Variants in RHEX observed in about 807,000 individuals in gnomAD.
The protein encoded by RHEX is regulator of hemoglobinization and erythroid cell expansion.
Under a neutral mutation model 20.1 loss-of-function variants are expected in RHEX, and 18 were observed. The observed-to-expected ratio is 0.90, with a 90% CI of 0.62 to 1.33. The LOEUF (loss-of-function observed/expected upper bound fraction) is 1.33. RHEX is among the 40% of genes most tolerant of loss of function. The pLI, the probability that RHEX is intolerant of heterozygous loss-of-function variation, is 0.00. For missense variants in RHEX, 192 were observed against 214.3 expected (o/e 0.90, Z 0.65); for synonymous variants, 87 against 77.1 (o/e 1.13, Z -0.67).
rs1245441866 is a variant in RHEX at position 206,099,968 on chromosome 1, T to A, written c.256+170T>A. 3.9e-5 allele frequency among the ~76,000 whole-genome samples: 6 copies of A among 152,220 alleles called. No individual in the cohort carries two copies. The East Asian group carries it at 1.2e-3, about 29-fold the overall frequency. On this transcript the variant is annotated intron_variant, in intron 4 of 5. Transcript: ENST00000331555. ...TACTTTTTTTCAGAAAGGTGTTTTA[T>A]TCTATTTCGTGGGGAAGATCATTCT... is the stretch of plus-strand genomic sequence containing the variant.
At chr1:206,095,104 G>C (rs1663038301) in intron 1 of RHEX, among the ~76,000 whole-genome samples, 1 of 151,926 alleles carries the variant, frequency 6.6e-6, no homozygotes, top group Admixed American at 6.6e-5. Context: ...GACTTGTCTG[G>C]CTCCAAATGT....
At chr1:206,070,308 G>A (rs1204916943) in intron 1 of RHEX, among the ~76,000 whole-genome samples, 1 of 152,196 alleles carries the variant, frequency 6.6e-6, no homozygotes, top group Non-Finnish European at 1.5e-5. Context: ...CAGAGGAGCT[G>A]CTGAGTGCAT....
chr1:206,076,565 G>A (rs1662641167), intron 1 of RHEX, among the ~76,000 whole-genome samples: 1 of 152,194 alleles, frequency 6.6e-6, no homozygotes, highest in Non-Finnish European at 1.5e-5. Flanking sequence ...AGATTTTCTT[G>A]TTCCTTGACA....
chr1:206,059,634 G>C (rs1553283090), intron 1 of RHEX, among the ~76,000 whole-genome samples: 1 of 152,034 alleles, frequency 6.6e-6, no homozygotes, highest in East Asian at 1.9e-4. Flanking sequence ...CTTTGGGTTT[G>C]GAGTCAAAAT....
chr1:206,080,761 A>G (rs781961640), intron 1 of RHEX, among the ~76,000 whole-genome samples: 7 of 152,202 alleles, frequency 4.6e-5, no homozygotes, highest in Non-Finnish European at 1.0e-4. Flanking sequence ...AGTAGGAAGC[A>G]TCAGCGTGCA....
At chr1:206,069,797 G>A (rs1558171904) in intron 1 of RHEX, among the ~76,000 whole-genome samples, 1 of 152,098 alleles carries the variant, frequency 6.6e-6, no homozygotes, top group Non-Finnish European at 1.5e-5. Context: ...TACAACTTTC[G>A]AGGGCTGGTA....
intron 1 of RHEX, among the ~76,000 whole-genome samples, chr1:206,089,961 G>A (rs1047359028): frequency 5.9e-5 from 9 of 151,394 alleles, no homozygotes; most frequent in South Asian, 2.1e-4. Flanking sequence ...TCCTTAATCC[G>A]TTTGGAATTC....
intron 1 of RHEX, among the ~76,000 whole-genome samples, chr1:206,057,095 A>G (rs531754247): frequency 4.6e-4 from 70 of 152,372 alleles, no homozygotes; most frequent in African/African-American, 1.4e-3. Context: ...GAGAGGTTCA[A>G]AAACGTTCTC....
intron 1 of RHEX, among the ~76,000 whole-genome samples, chr1:206,069,057 A>G (rs1456481498): frequency 6.6e-6 from 1 of 152,154 alleles, no homozygotes; most frequent in Non-Finnish European, 1.5e-5. Flanking sequence ...GGTTGCCTTG[A>G]TTTGTGTTTA....
chr1:206,054,773 A>G (rs892392005), intron 1 of RHEX, among the ~76,000 whole-genome samples: 1 of 152,288 alleles, frequency 6.6e-6, no homozygotes, highest in Non-Finnish European at 1.5e-5. Context: ...CACTAATATA[A>G]AGGTAAAATT....
chr1:206,099,672 A>G lies in RHEX; in HGVS notation c.130A>G (p.Ile44Val). 6.2e-7 allele frequency: 1 copy of G among 1,614,040 alleles called. No individual in the cohort carries two copies. Among genetic ancestry groups the G allele is most frequent in the Non-Finnish European group, 8.5e-7 (1 of 1,179,984 alleles). ...SRHMAHKSEQ[I>V]LKAASLQVPR... ...CCTTCCAGCCCACAAGAGTGAACAG[A>G]TACTGAAAGCGGCCAGTCTCCAGGT... The change falls in exon 4 of 6, where the codon ATA becomes GTA. Residue 44 changes from isoleucine (I) to valine (V), a missense_variant. By Grantham distance (29) the Ile-to-Val change is conservative. Transcript: ENST00000331555.
intron 1 of RHEX, among the ~76,000 whole-genome samples, chr1:206,094,609 A>G (rs1471504936): frequency 1.3e-5 from 2 of 152,246 alleles, no homozygotes; most frequent in African/African-American, 4.8e-5. Flanking sequence ...AAACTGAGAC[A>G]CTGAATTCAA....
chr1:206,084,189 T>A (rs1416397304), intron 1 of RHEX, among the ~76,000 whole-genome samples: 1 of 152,142 alleles, frequency 6.6e-6, no homozygotes, highest in Non-Finnish European at 1.5e-5. Context: ...AGGACTAGTA[T>A]GTGTGGAGGG....
At chr1:206,077,240 C>A (rs1390053809) in intron 1 of RHEX, among the ~76,000 whole-genome samples, 7 of 151,920 alleles carry the variant, frequency 4.6e-5, no homozygotes, top group Admixed American at 2.6e-4. Context: ...TGGAAGGATT[C>A]CTTATGTGAA....
chr1:206,064,126 G>A (rs1300158305), intron 1 of RHEX, among the ~76,000 whole-genome samples: 13 of 140,700 alleles, frequency 9.2e-5, no homozygotes, highest in South Asian at 6.9e-4. Context: ...CGGCCGCCCC[G>A]TCTGAGAAGT....
At position 206,101,151 on chromosome 1, in the gene RHEX, C is replaced by G; in HGVS notation, c.272C>G (p.Pro91Arg). Residue 91 changes from proline to arginine, a missense_variant, in exon 5 of 6, where the codon CCC becomes CGC. Coordinates refer to ENST00000331555, the MANE Select transcript of RHEX (RefSeq NM_001007544.4). ...DSLYRHDSDT[P>R]SDSLDSSCSS... ...TTCTCCCCAGATGACAGCGACACAC[C>G]CTCAGATAGCTTGGATAGCTCCTGC... 1 of 1,613,012 alleles carries G rather than the reference C, an allele frequency of 6.2e-7. No individual in the cohort carries two copies. Among genetic ancestry groups the G allele is most frequent in the South Asian group, 1.1e-5 (1 of 90,874 alleles).
intron 1 of RHEX, among the ~76,000 whole-genome samples, chr1:206,081,649 C>T (rs779954333): frequency 6.6e-6 from 1 of 152,118 alleles, no homozygotes; most frequent in Non-Finnish European, 1.5e-5. Flanking sequence ...ATAAAAATGC[C>T]GCATCATTGT....
intron 1 of RHEX, among the ~76,000 whole-genome samples, chr1:206,092,808 T>A (rs1662985220): frequency 1.3e-5 from 2 of 152,220 alleles, no homozygotes; most frequent in Admixed American, 6.5e-5. Context: ...GGAAACTGCA[T>A]ATTAAACTGG....
At chr1:206,062,996 C>T (rs993457030) in intron 1 of RHEX, among the ~76,000 whole-genome samples, 32 of 152,014 alleles carry the variant, frequency 2.1e-4, no homozygotes, top group African/African-American at 4.4e-4. Flanking sequence ...GGATGTGCTA[C>T]GGGGAAATAA....
Sources: allele counts gnomAD v4.1 joint callset (sites outside exome capture counted in the v4.1 genomes callset), GRCh38; gene constraint gnomAD v4.1.1; transcripts MANE v1.5; gene names NCBI Gene and HGNC (gene_info 2026-07-23, HGNC 2026-07-21).